EYS: variants seen among roughly 807,000 people sequenced by gnomAD.
EYS encodes the protein EGF-like photoreceptor maintenance factor.
A neutral mutation model predicts 282.1 loss-of-function variants in EYS; 250 were observed. The observed-to-expected ratio is 0.89, with a 90% CI of 0.80 to 0.98. The LOEUF (loss-of-function observed/expected upper bound fraction) is 0.98. Among genes scored for constraint, EYS ranks in the 50% least tolerant of loss-of-function variants. The pLI is 0.00. For synonymous variants in EYS, 1,355 were observed against 1,282.9 expected, an observed-to-expected ratio of 1.06 and a Z score of -1.20; for missense variants, 4,016 against 3,709.0, an observed-to-expected ratio of 1.08 and a Z score of -2.15.
chr6:64,950,832 T>TATATATATATATAA lies in EYS; in HGVS notation c.2260-4919_2260-4918insTTATATATATATAT, dbSNP rs1310289103. Among the ~76,000 whole-genome samples, 145 of 102,958 alleles carry TATATATATATATAA rather than the reference T, an allele frequency of 1.4e-3. 2 individuals are homozygous for TATATATATATATAA. Among genetic ancestry groups the TATATATATATATAA allele is most frequent in the Non-Finnish European group, 1.9e-3 (100 of 51,378 alleles). 67.5% of individuals were successfully genotyped at this position (102,958 alleles called of 152,430 possible). On this transcript the variant is annotated intron_variant, in intron 14 of 42. Coordinates refer to ENST00000503581, the MANE Select transcript of EYS (RefSeq NM_001142800.2). ...ATATATATATATATATATATATATA[T>TATATATATATATAA]ATTGTTGAATTGTTACAAGAACAAC...
In EYS at chr6:65,057,000, A is replaced by T. The variant is rs113372627; in HGVS notation, c.2137+614T>A. Among the ~76,000 whole-genome samples the T allele has an allele frequency of 2.0e-3, 307 of 150,694 alleles. 4 individuals carry two copies. The highest frequency in any genetic ancestry group is 6.8e-3 in the African/African-American group (277 of 40,464). ...TTTTAAGGTAAATAGGTATAACATTAAAAAAAATCTAAATTAATTTTATTT... is the reference window on the plus strand; with the variant it reads ...TTTTAAGGTAAATAGGTATAACATTTAAAAAAATCTAAATTAATTTTATTT... On this transcript the variant is annotated intron_variant, in intron 13 of 42. Coordinates refer to ENST00000503581, the MANE Select transcript of EYS (RefSeq NM_001142800.2).
At chr6:64,616,129 C>A (rs1459106288) in intron 24 of EYS, among the ~76,000 whole-genome samples, 1 of 152,000 alleles carries the variant, frequency 6.6e-6, no homozygotes, top group Non-Finnish European at 1.5e-5. Flanking sequence ...CATTGATTTT[C>A]TAAGTTATTT....
intron 1 of EYS, among the ~76,000 whole-genome samples, chr6:65,648,695 C>A (rs1264381098): frequency 7.3e-6 from 1 of 137,350 alleles, no homozygotes; most frequent in Non-Finnish European, 1.6e-5. Context: ...GTTCCCCAAA[C>A]ACCTATTGAA....
chr6:64,489,048 A>G (rs1283800296), intron 26 of EYS, among the ~76,000 whole-genome samples: 1 of 150,850 alleles, frequency 6.6e-6, no homozygotes, highest in Non-Finnish European at 1.5e-5. Context: ...TTAGTTGGAG[A>G]AGAATGATGA....
At chr6:64,189,431 T>A (rs1461625069) in intron 31 of EYS, among the ~76,000 whole-genome samples, 1 of 152,212 alleles carries the variant, frequency 6.6e-6, no homozygotes, top group Non-Finnish European at 1.5e-5. Context: ...TAAGTAACAT[T>A]GGAAAACAGC....
At chr6:65,532,677 G>A (rs1043010004) in intron 2 of EYS, among the ~76,000 whole-genome samples, 1 of 152,096 alleles carries the variant, frequency 6.6e-6, no homozygotes, top group African/African-American at 2.4e-5. Flanking sequence ...TGCTGTCCTG[G>A]AGCACAGGTC....
At chr6:64,277,318 T>C (rs1485623028) in intron 30 of EYS, among the ~76,000 whole-genome samples, 2 of 152,136 alleles carry the variant, frequency 1.3e-5, no homozygotes, top group African/African-American at 2.4e-5. Context: ...CATATAGTGG[T>C]ATCCAAAGAC....
At chr6:64,114,271 C>T (rs1773304618) in intron 31 of EYS, among the ~76,000 whole-genome samples, 1 of 152,102 alleles carries the variant, frequency 6.6e-6, no homozygotes, top group South Asian at 2.1e-4. Context: ...ATCCATTATA[C>T]TTTTTATTTT....
chr6:64,919,130 C>T (rs1207164222), intron 15 of EYS, among the ~76,000 whole-genome samples: 1 of 152,016 alleles, frequency 6.6e-6, no homozygotes, highest in Non-Finnish European at 1.5e-5. Flanking sequence ...GTCGGATAGA[C>T]AGTAAGCAAG....
intron 31 of EYS, among the ~76,000 whole-genome samples, chr6:64,168,339 A>G (rs115652521): frequency 0.03 from 4,596 of 152,296 alleles, 226 homozygotes; most frequent in African/African-American, 0.1. Flanking sequence ...AACTTGTTAC[A>G]TTTCTTATTG....
chr6:64,002,083 G>C (rs538449984), intron 33 of EYS, among the ~76,000 whole-genome samples: 2 of 152,180 alleles, frequency 1.3e-5, no homozygotes, highest in African/African-American at 4.8e-5. Flanking sequence ...GCTGATTGTC[G>C]ACACCAGCAG....
Position 63,969,598 on chromosome 6 carries a change from A to G in EYS, c.7055+14785T>C, listed in dbSNP as rs187093046. 4.2e-4 allele frequency among the ~76,000 whole-genome samples: 64 copies of G among 152,360 alleles called. 2 individuals are homozygous for G. The South Asian group carries it at 9.1e-3, about 22-fold the overall frequency. On this transcript the variant is annotated intron_variant, in intron 35 of 42. Transcript: ENST00000503581. Reference sequence around the variant, plus strand: ...TTCTCTGAGTACATATCATTAGGATAAAAATAAACACATTTGAAGCTAAAC... The same window carrying G: ...TTCTCTGAGTACATATCATTAGGATGAAAATAAACACATTTGAAGCTAAAC...
intron 2 of EYS, among the ~76,000 whole-genome samples, chr6:65,602,749 G>A (rs1765654629): frequency 6.6e-6 from 1 of 151,996 alleles, no homozygotes; most frequent in Non-Finnish European, 1.5e-5. Context: ...GTAAATATCT[G>A]AATGAAAGAG....
intron 14 of EYS, among the ~76,000 whole-genome samples, chr6:64,968,238 C>T (rs140222841): frequency 3.3e-5 from 5 of 152,150 alleles, no homozygotes; most frequent in Non-Finnish European, 7.4e-5. Flanking sequence ...ATATAAAACA[C>T]ATCTGTTAAC....
chr6:65,477,523 A>G (rs1346616239), intron 5 of EYS, among the ~76,000 whole-genome samples: 2 of 152,182 alleles, frequency 1.3e-5, no homozygotes, highest in Non-Finnish European at 1.5e-5. Context: ...AATTATCACA[A>G]TTATATAAGC....
chr6:65,371,741 C>CTGTGTGTGTG (rs112663745), intron 8 of EYS, among the ~76,000 whole-genome samples: 1 of 70,244 alleles, frequency 1.4e-5, no homozygotes, highest in African/African-American at 6.0e-5. Context: ...CTCTCTCTCT[C>CTGTGTGTGTG]TGTGTGTGTG....
chr6:64,376,571 C>G (rs1772567454), intron 29 of EYS, among the ~76,000 whole-genome samples: 1 of 152,174 alleles, frequency 6.6e-6, no homozygotes, highest in Non-Finnish European at 1.5e-5. Flanking sequence ...ATTTTGTTTT[C>G]TGAGAGGTGG....
At position 65,334,852 on chromosome 6, in the gene EYS, G is replaced by A. The variant is rs62408720; in HGVS notation, c.1766+128C>T. On this transcript the variant is annotated intron_variant, in intron 11 of 42. Coordinates refer to ENST00000503581, the MANE Select transcript of EYS (RefSeq NM_001142800.2). ...AATAACTATATATGTATATGTAAGT[G>A]TTTGTTATGGAAATTCCAATCATTT... 8.3e-3 allele frequency: 6,487 copies of A among 782,506 alleles called. 67 individuals are homozygous for A. The highest frequency in any genetic ancestry group is 9.1e-3 in the Non-Finnish European group (4,309 of 471,794). The allele number at this position is 782,506 out of a possible 1,614,324, so 48.5% of individuals were successfully genotyped here. A position where few individuals can be genotyped will look rare whatever the true frequency, so the allele number is the denominator to read the frequency against.
rs571053529 is a variant in EYS, at chr6:65,199,841, A to T, written c.2023+96022T>A. On this transcript the variant is annotated intron_variant, in intron 12 of 42. Coordinates refer to ENST00000503581, the MANE Select transcript of EYS (RefSeq NM_001142800.2). ...AGTCATCATTTGAAAGGCACCAAGG[A>T]TGCATGGAGGAGAGTGACTGGAGAT... Among the ~76,000 whole-genome samples, 47 of 152,200 alleles carry T rather than the reference A, an allele frequency of 3.1e-4. 1 individual carries two copies. In the South Asian group the frequency reaches 9.7e-3, roughly 32 times the overall value.
Sources: gnomAD v4.1 joint callset for allele counts (sites outside exome capture counted in the v4.1 genomes callset) on GRCh38, gnomAD v4.1.1 for gene constraint, MANE v1.5 for transcripts, NCBI Gene and HGNC (gene_info 2026-07-23, HGNC 2026-07-21) for gene names.